The following PPARGC1A variants were observed in gnomAD, a reference collection of about 807,000 sequenced individuals.
PPARGC1A encodes the protein peroxisome proliferator-activated receptor gamma coactivator 1-alpha.
PPARGC1A carries 25 observed loss-of-function variants against 88.7 expected under a neutral mutation model. That is an observed-to-expected ratio of 0.28 (90% CI 0.21 to 0.39). PPARGC1A has a LOEUF of 0.39. Ranked by LOEUF, PPARGC1A falls within the 10% of genes least tolerant of loss-of-function variation. The pLI, the probability that PPARGC1A is intolerant of heterozygous loss-of-function variation, is 1.00. For synonymous variants in PPARGC1A, 363 were observed against 355.6 expected (o/e 1.02, Z -0.24); for missense variants, 880 against 968.7 (o/e 0.91, Z 1.22).
At chr4:24,309,548 A>G in the PPARGC1A span, among the ~76,000 whole-genome samples, 3 of 152,124 alleles carry the variant, frequency 2.0e-5, no homozygotes, top group African/African-American at 7.2e-5. Flanking sequence ...TAGATCACTG[A>G]AAGGTTTCTA....
At chr4:23,981,817 TC>T in the PPARGC1A span, among the ~76,000 whole-genome samples, 1 of 152,202 alleles carries the variant, frequency 6.6e-6, no homozygotes, top group East Asian at 1.9e-4. Flanking sequence ...TTTAGTAGAT[TC>T]CCTCACGCTT....
the PPARGC1A span, among the ~76,000 whole-genome samples, chr4:23,951,748 G>A: frequency 6.6e-6 from 1 of 152,076 alleles, no homozygotes; most frequent in African/African-American, 2.4e-5. Flanking sequence ...GTAATTTGAG[G>A]TCTCTCAATC....
chr4:23,970,518 C>T, the PPARGC1A span, among the ~76,000 whole-genome samples: 3 of 152,102 alleles, frequency 2.0e-5, no homozygotes, highest in East Asian at 5.8e-4. Flanking sequence ...ATGATACAGG[C>T]ACTGTAATGC....
At chr4:24,232,857 G>A in the PPARGC1A span, among the ~76,000 whole-genome samples, 1 of 152,130 alleles carries the variant, frequency 6.6e-6, no homozygotes, top group African/African-American at 2.4e-5. Context: ...GTAACATTTT[G>A]GCTAATTAGC....
chr4:24,017,232 T>G, the PPARGC1A span, among the ~76,000 whole-genome samples: 1 of 152,114 alleles, frequency 6.6e-6, no homozygotes, highest in Non-Finnish European at 1.5e-5. Flanking sequence ...ATTAAAAAAT[T>G]TAGGCAGTAT....
the PPARGC1A span, among the ~76,000 whole-genome samples, chr4:24,139,928 G>A: frequency 3.3e-5 from 5 of 152,110 alleles, no homozygotes; most frequent in African/African-American, 9.7e-5. Flanking sequence ...AAAGAAGTTC[G>A]TCTGAAAACC....
chr4:23,828,530 C>T lies in PPARGC1A; in HGVS notation c.627G>A (p.Glu209=). The part of the protein sequence containing the change: ...QQKPQRRPCS[E]LLKYLTTNDD... Reference sequence around the variant, plus strand: ...CGTTTGTGGTCAGATATTTGAGAAGCTCCGAGCAGGGACGTCTTTGTGGCT... The same window carrying T: ...CGTTTGTGGTCAGATATTTGAGAAGTTCCGAGCAGGGACGTCTTTGTGGCT... Residue 209 remains glutamate, a synonymous_variant, in exon 5 of 13, where the codon GAG becomes GAA. Transcript: ENST00000264867. 3 of 1,614,092 alleles carry T rather than the reference C, an allele frequency of 1.9e-6. 1 individual carries two copies. Among genetic ancestry groups the T allele is most frequent in the Non-Finnish European group, 8.5e-7 (1 of 1,179,992 alleles).
chr4:24,027,329 C>T, the PPARGC1A span, among the ~76,000 whole-genome samples: 22 of 152,014 alleles, frequency 1.4e-4, no homozygotes, highest in Non-Finnish European at 3.1e-4. Flanking sequence ...TGCATTCAAA[C>T]TTTGGTTCAG....
the PPARGC1A span, among the ~76,000 whole-genome samples, chr4:24,354,668 T>C: frequency 3.3e-5 from 5 of 152,120 alleles, no homozygotes; most frequent in East Asian, 5.8e-4. Flanking sequence ...GTGTGGATCA[T>C]GAGGTCAGGA....
At chr4:24,196,803 T>C in the PPARGC1A span, among the ~76,000 whole-genome samples, 2 of 152,358 alleles carry the variant, frequency 1.3e-5, no homozygotes, top group East Asian at 1.9e-4. Context: ...TATTCCTATA[T>C]CTGAAACTGC....
intron 3 of PPARGC1A, among the ~76,000 whole-genome samples, chr4:23,829,834 G>A (rs770417756): frequency 2.0e-5 from 3 of 151,906 alleles, no homozygotes; most frequent in South Asian, 2.1e-4. Flanking sequence ...TTCTAGAATC[G>A]TATGCATAAG....
intron 7 of PPARGC1A, among the ~76,000 whole-genome samples, chr4:23,818,911 C>T (rs1289778821): frequency 7.8e-5 from 9 of 115,436 alleles, no homozygotes; most frequent in Non-Finnish European, 1.6e-5. Context: ...AAATCTGCAA[C>T]TTACTTTCAA....
At chr4:24,468,712 T>C in the PPARGC1A span, among the ~76,000 whole-genome samples, 1 of 152,222 alleles carries the variant, frequency 6.6e-6, no homozygotes, top group Non-Finnish European at 1.5e-5. Flanking sequence ...CAGTAATGAA[T>C]AAACACCCTC....
chr4:24,183,944 C>T, the PPARGC1A span, among the ~76,000 whole-genome samples: 1 of 152,178 alleles, frequency 6.6e-6, no homozygotes, highest in African/African-American at 2.4e-5. Context: ...TGTGAAAACG[C>T]TTGCTTTCAA....
At chr4:24,382,456 G>A in the PPARGC1A span, among the ~76,000 whole-genome samples, 1 of 152,168 alleles carries the variant, frequency 6.6e-6, no homozygotes, top group Non-Finnish European at 1.5e-5. Flanking sequence ...AAGGGAGGGA[G>A]GAGGGAGAAC....
the PPARGC1A span, among the ~76,000 whole-genome samples, chr4:23,913,146 C>A: frequency 1.4e-5 from 2 of 140,556 alleles, no homozygotes. Flanking sequence ...CACACACATA[C>A]ACTCTCTCTC....
At chr4:24,196,932 G>A in the PPARGC1A span, among the ~76,000 whole-genome samples, 1 of 152,300 alleles carries the variant, frequency 6.6e-6, no homozygotes, top group South Asian at 2.1e-4. Flanking sequence ...ACTTCTGGGA[G>A]TCAATGAACT....
the PPARGC1A span, among the ~76,000 whole-genome samples, chr4:24,005,013 T>G: frequency 6.6e-6 from 1 of 152,130 alleles, no homozygotes; most frequent in Non-Finnish European, 1.5e-5. Flanking sequence ...ATTTATGACT[T>G]GGAAAGACTC....
At chr4:24,103,473 A>G in the PPARGC1A span, among the ~76,000 whole-genome samples, 3 of 152,070 alleles carry the variant, frequency 2.0e-5, no homozygotes, top group Non-Finnish European at 4.4e-5. Context: ...GACAGAGAGC[A>G]GAGCCCTCCA....
Sources: allele counts gnomAD v4.1 joint callset (sites outside exome capture counted in the v4.1 genomes callset), GRCh38; gene constraint gnomAD v4.1.1; transcripts MANE v1.5; gene names NCBI Gene and HGNC (gene_info 2026-07-23, HGNC 2026-07-21).